Variants in HDAC9 observed in about 807,000 individuals in gnomAD.
HDAC9 encodes histone deacetylase 9.
HDAC9 carries 41 observed loss-of-function variants against 139.4 expected under a neutral mutation model. The observed-to-expected ratio is 0.29, with a 90% CI of 0.23 to 0.38. The LOEUF is 0.38. HDAC9 is among the 10% of genes least tolerant of loss of function. The pLI is 1.00. For missense variants in HDAC9, 1,147 were observed against 1,297.0 expected (o/e 0.88, Z 1.78); for synonymous variants, 517 against 476.2 (o/e 1.09, Z -1.12).
At chr7:18,170,571 T>C (rs1018267229) in intron 2 of HDAC9, among the ~76,000 whole-genome samples, 7 of 150,974 alleles carry the variant, frequency 4.6e-5, no homozygotes, top group African/African-American at 1.7e-4. Flanking sequence ...GTTTTTTTTA[T>C]GGTTTTAGGT....
intron 2 of HDAC9, among the ~76,000 whole-genome samples, chr7:18,574,885 G>A (rs1423024454): frequency 6.6e-6 from 1 of 152,238 alleles, no homozygotes; most frequent in East Asian, 1.9e-4. Flanking sequence ...GGACCTACCA[G>A]GTCCCCGACT....
intron 2 of HDAC9, among the ~76,000 whole-genome samples, chr7:18,271,692 C>A (rs999394943): frequency 6.6e-6 from 1 of 152,174 alleles, no homozygotes; most frequent in Non-Finnish European, 1.5e-5. Context: ...TTTCGTGATG[C>A]CTTCTTCCTT....
intron 1 of HDAC9, chr7:18,088,108 C>T (rs1781909073): frequency 6.6e-6 from 1 of 152,114 alleles, no homozygotes; most frequent in Non-Finnish European, 1.5e-5. Context: ...TGTGTAATCT[C>T]CTAAAAGGAA....
chr7:18,204,690 T>G (rs191420944), intron 2 of HDAC9, among the ~76,000 whole-genome samples: 9 of 152,162 alleles, frequency 5.9e-5, no homozygotes, highest in African/African-American at 2.2e-4. Context: ...CTTTAATAAT[T>G]TAATTTCCTG....
intron 22 of HDAC9, among the ~76,000 whole-genome samples, chr7:18,905,723 C>T (rs192183339): frequency 1.4e-4 from 21 of 152,292 alleles, no homozygotes; most frequent in African/African-American, 5.1e-4. Flanking sequence ...ATGTAACATT[C>T]CAATTTCTAG....
intron 22 of HDAC9, among the ~76,000 whole-genome samples, chr7:18,884,930 C>A (rs1394227473): frequency 6.6e-6 from 1 of 152,166 alleles, no homozygotes. Flanking sequence ...CTCTTCGGTT[C>A]CAGTTAAAAC....
intron 17 of HDAC9, among the ~76,000 whole-genome samples, chr7:18,821,678 C>G (rs983020101): frequency 6.6e-6 from 1 of 152,224 alleles, no homozygotes; most frequent in Non-Finnish European, 1.5e-5. Context: ...GGATGTCCTA[C>G]AGTTTAACTC....
At chr7:18,626,208 T>G (rs1267816932) in intron 6 of HDAC9, among the ~76,000 whole-genome samples, 1 of 152,044 alleles carries the variant, frequency 6.6e-6, no homozygotes, top group African/African-American at 2.4e-5. Context: ...AATAGTGGCT[T>G]CCAGAGGGAG....
rs890470078 is a variant in HDAC9 at position 18,467,148 on chromosome 7, C to T, written c.-41-29114C>T. ...CTTTAATAAGGCCAAAATATCTCACCGTCTTCTTCCCTACTCACACATTCC... is the reference window on the plus strand; with the variant it reads ...CTTTAATAAGGCCAAAATATCTCACTGTCTTCTTCCCTACTCACACATTCC... On this transcript the variant is annotated intron_variant, in intron 1 of 3. Coordinates refer to the HDAC9 transcript ENST00000413509. 5.9e-5 allele frequency among the ~76,000 whole-genome samples: 9 copies of T among 152,226 alleles called. 1 individual carries two copies. Among genetic ancestry groups the T allele is most frequent in the East Asian group, 5.8e-4 (3 of 5,190 alleles).
rs184712805 is a variant in HDAC9, at chr7:18,693,666, C to T, written c.1731+27190C>T. 3.5e-3 allele frequency among the ~76,000 whole-genome samples: 535 copies of T among 152,218 alleles called. 1 individual carries two copies. Among genetic ancestry groups the T allele is most frequent in the Middle Eastern group, 6.8e-3 (2 of 294 alleles). ...CACAACTTCAAGTAGACTGGGATTT[C>T]AAGGCCACTCAAGTGTCTTAGTCGA... On this transcript the variant is annotated intron_variant, in intron 12 of 25. Coordinates refer to ENST00000686413, the MANE Select transcript of HDAC9 (RefSeq NM_178425.4).
At chr7:18,331,032 C>G (rs2128647022) in intron 1 of HDAC9, among the ~76,000 whole-genome samples, 1 of 151,800 alleles carries the variant, frequency 6.6e-6, no homozygotes, top group African/African-American at 2.4e-5. Context: ...ACTGGTTTCT[C>G]TGTTATCACA....
At chr7:18,940,862 A>C (rs1781978250) in intron 23 of HDAC9, among the ~76,000 whole-genome samples, 1 of 152,158 alleles carries the variant, frequency 6.6e-6, no homozygotes, top group South Asian at 2.1e-4. Context: ...TAAAACAAAA[A>C]CATTGAAAAA....
At chr7:18,659,485 A>G (rs1406307800) in intron 11 of HDAC9, among the ~76,000 whole-genome samples, 1 of 152,110 alleles carries the variant, frequency 6.6e-6, no homozygotes, top group Non-Finnish European at 1.5e-5. Flanking sequence ...TGAAATTTGG[A>G]TAAATTACGA....
intron 16 of HDAC9, among the ~76,000 whole-genome samples, chr7:18,777,283 C>G (rs1232843728): frequency 6.6e-6 from 1 of 152,020 alleles, no homozygotes; most frequent in African/African-American, 2.4e-5. Flanking sequence ...TACTCCAACA[C>G]CTGCCCATTT....
rs139236714 is a variant in HDAC9 at position 18,734,024 on chromosome 7, C to T, written c.1909+6267C>T. On this transcript the variant is annotated intron_variant, in intron 13 of 25. Coordinates refer to ENST00000686413, the MANE Select transcript of HDAC9 (RefSeq NM_178425.4). ...TTTTTTCTACTTACGGAAATATCCTCAATTAGTCCTATTTCACGTATACCT... is the reference window on the plus strand; with the variant it reads ...TTTTTTCTACTTACGGAAATATCCTTAATTAGTCCTATTTCACGTATACCT... Among the ~76,000 whole-genome samples, 9 of 152,240 alleles carry T rather than the reference C, an allele frequency of 5.9e-5. No homozygotes were observed. In the East Asian group the frequency reaches 1.7e-3, roughly 29 times the overall value.
At chr7:18,643,030 G>A (rs1171058963) in intron 8 of HDAC9, among the ~76,000 whole-genome samples, 6 of 152,052 alleles carry the variant, frequency 3.9e-5, no homozygotes, top group Admixed American at 2.6e-4. Context: ...ACAGATAAGT[G>A]AATAACATAT....
chr7:18,357,272 G>A (rs1038908727), intron 1 of HDAC9, among the ~76,000 whole-genome samples: 31 of 152,070 alleles, frequency 2.0e-4, no homozygotes, highest in African/African-American at 6.0e-4. Flanking sequence ...ACATCAATCA[G>A]TATTAAGAAA....
chr7:18,444,803 A>C (rs12671193), intron 1 of HDAC9, among the ~76,000 whole-genome samples: 3 of 152,168 alleles, frequency 2.0e-5, no homozygotes, highest in African/African-American at 7.2e-5. Context: ...ATTTTTCTCA[A>C]AGTAAGGTCT....
At chr7:18,660,069 C>T (rs1792644702) in intron 11 of HDAC9, among the ~76,000 whole-genome samples, 2 of 152,108 alleles carry the variant, frequency 1.3e-5, no homozygotes, top group South Asian at 4.1e-4. Context: ...TACTCATTTT[C>T]CTAGTAAATA....
Sources: gnomAD v4.1 joint callset for allele counts (sites outside exome capture counted in the v4.1 genomes callset) on GRCh38, gnomAD v4.1.1 for gene constraint, MANE v1.5 for transcripts, NCBI Gene and HGNC (gene_info 2026-07-23, HGNC 2026-07-21) for gene names.